ADAM19: variants seen among roughly 807,000 people sequenced by gnomAD.
ADAM19 encodes disintegrin and metalloproteinase domain-containing protein 19.
ADAM19 carries 65 observed loss-of-function variants against 114.7 expected under a neutral mutation model. That is an observed-to-expected ratio of 0.57 (90% confidence interval 0.46 to 0.70). The LOEUF is 0.70. ADAM19 is among the 30% of genes least tolerant of loss of function. ADAM19 has a pLI of 0.00. For missense variants in ADAM19, 1,063 were observed against 1,204.7 expected (o/e 0.88, Z 1.74); for synonymous variants, 466 against 460.5 (o/e 1.01, Z -0.15).
intron 3 of ADAM19, among the ~76,000 whole-genome samples, chr5:157,557,154 C>T (rs929172052): frequency 5.9e-5 from 9 of 152,210 alleles, no homozygotes; most frequent in East Asian, 1.9e-4. Flanking sequence ...GTGATCCACC[C>T]GGCTCAGCCT....
chr5:157,507,288 C>A, intron 9 of ADAM19, 148 bp from the exon 10 acceptor site: 1 of 676,950 alleles, frequency 1.5e-6, no homozygotes, highest in Non-Finnish European at 2.6e-6. Context: ...GTAACCAGGC[C>A]AACTGGACAA....
At chr5:157,507,421 G>A (rs1005059723) in intron 9 of ADAM19, among the ~76,000 whole-genome samples, 2 of 152,250 alleles carry the variant, frequency 1.3e-5, no homozygotes, top group Non-Finnish European at 2.9e-5. Flanking sequence ...TCCTTGGAAG[G>A]AAATGGGCAG....
intron 2 of ADAM19, among the ~76,000 whole-genome samples, chr5:157,569,330 A>G (rs1259005386): frequency 1.3e-5 from 2 of 148,770 alleles, no homozygotes; most frequent in African/African-American, 5.0e-5. Flanking sequence ...CTATAACCTC[A>G]AACTCCTGGG....
intron 1 of ADAM19, among the ~76,000 whole-genome samples, chr5:157,574,922 G>C (rs540909538): frequency 6.6e-6 from 1 of 152,214 alleles, no homozygotes; most frequent in Non-Finnish European, 1.5e-5. Context: ...GTGCCACCGC[G>C]GACCTCAACC....
intron 21 of ADAM19, among the ~76,000 whole-genome samples, chr5:157,486,431 G>T (rs1367158040): frequency 6.6e-6 from 1 of 152,236 alleles, no homozygotes; most frequent in Middle Eastern, 3.4e-3. Flanking sequence ...GTGTTTTGGG[G>T]TGCCTGCCAC....
chr5:157,570,937 G>A lies in ADAM19; in HGVS notation c.138C>T (p.Ile46=). 6.2e-7 allele frequency: 1 copy of A among 1,614,178 alleles called. No individual in the cohort carries two copies. The highest frequency in any genetic ancestry group is 8.5e-7 in the Non-Finnish European group (1 of 1,180,016). The change falls in exon 2 of 23, where the codon ATC becomes ATT. Residue 46 remains isoleucine (I), a synonymous_variant. Coordinates refer to ENST00000257527, the MANE Select transcript of ADAM19 (RefSeq NM_033274.5). The stretch of plus-strand genomic sequence containing the variant: ...TTTCTGAAGTCTTCCACTGAGGTAT[G>A]ATAAGTTCATGCTGCAGCTTGGGGC... The part of the protein sequence containing the change: ...EGSPKLQHEL[I]IPQWKTSESP...
intron 7 of ADAM19, among the ~76,000 whole-genome samples, chr5:157,513,866 G>A (rs778199723): frequency 2.6e-5 from 4 of 152,166 alleles, no homozygotes; most frequent in African/African-American, 4.8e-5. Context: ...AATCCTCACC[G>A]TGGTCATCAC....
Position 157,499,578 on chromosome 5 carries a change from A to T in ADAM19, c.1393T>A (p.Cys465Ser). The change falls in exon 13 of 23, where the codon TGT becomes AGT. Residue 465 changes from cysteine (C) to serine (S), a missense_variant. Around this residue, in one of 3 missense-constraint regions of ADAM19, gnomAD observed 615 missense variants for 706.3 expected, o/e 0.87. Transcript: ENST00000257527. Reference protein sequence around the residue: ...ECAHGSCCHQCKLLAPGTLCR... With the variant: ...ECAHGSCCHQSKLLAPGTLCR... ...TGGAGAAAAGGGCCACTTACCTTAC[A>T]CTGGTGGCAGCAGGAGCCGTGAGCA... The T allele has an allele frequency of 1.2e-6, 2 of 1,612,646 alleles. No individual in the cohort carries two copies. The highest frequency in any genetic ancestry group is 1.7e-6 in the Non-Finnish European group (2 of 1,179,514).
intron 7 of ADAM19, among the ~76,000 whole-genome samples, chr5:157,514,200 A>G (rs1756021528): frequency 6.6e-6 from 1 of 152,236 alleles, no homozygotes; most frequent in East Asian, 1.9e-4. Flanking sequence ...ATGAGTGCCA[A>G]CGAGGAGGAC....
At chr5:157,499,917 C>T (rs1755504722) in intron 12 of ADAM19, among the ~76,000 whole-genome samples, 1 of 151,724 alleles carries the variant, frequency 6.6e-6, no homozygotes, top group Non-Finnish European at 1.5e-5. Context: ...TAACTCAGAC[C>T]ACAGGCACAC....
Position 157,480,561 on chromosome 5 carries a change from C to T in ADAM19, c.*388G>A, listed in dbSNP as rs1224480626. On this transcript the variant is annotated 3_prime_UTR_variant, in exon 23 of 23. Coordinates refer to ENST00000257527, the MANE Select transcript of ADAM19 (RefSeq NM_033274.5). ...GCAATGGGAAGCTCTCTTGCGTGCC[C>T]TGCACCCCAGGAGTGAATGGATGGC... 8 of 1,044,752 alleles carry T rather than the reference C, an allele frequency of 7.7e-6. No individual in the cohort carries two copies. The highest frequency in any genetic ancestry group is 8.1e-6 in the Non-Finnish European group (7 of 867,128). 64.7% of individuals were successfully genotyped at this position (1,044,752 alleles called of 1,614,324 possible).
chr5:157,522,596 G>A (rs1561542306), intron 5 of ADAM19, among the ~76,000 whole-genome samples: 1 of 152,154 alleles, frequency 6.6e-6, no homozygotes, highest in Admixed American at 6.5e-5. Context: ...GACCAGCCTG[G>A]GCAATATGGT....
chr5:157,488,432 G>T lies in ADAM19; in HGVS notation c.2383C>A (p.Pro795Thr), dbSNP rs150381064. 6.2e-7 allele frequency: 1 copy of T among 1,612,878 alleles called. No individual in the cohort carries two copies. The highest frequency in any genetic ancestry group is 1.1e-5 in the South Asian group (1 of 91,052). The change falls in exon 21 of 23, where the codon CCA becomes ACA. Residue 795 changes from proline (P) to threonine (T), a missense_variant. By Grantham distance (38) the Pro-to-Thr change is conservative (BLOSUM62 -1). Coordinates refer to ENST00000257527, the MANE Select transcript of ADAM19 (RefSeq NM_033274.5). Reference sequence around the variant, plus strand: ...GGGGACCCACCACGCAGATAATCTGGAGGGGGCCGGGGAGGAGGCTGGGAG... The same window carrying T: ...GGGGACCCACCACGCAGATAATCTGTAGGGGGCCGGGGAGGAGGCTGGGAG... ...KPSQPPPRPP[P>T]DYLRGGSPPA...
At chr5:157,567,949 A>G (rs56268592) in intron 2 of ADAM19, 20,234 of 151,902 alleles carry the variant, frequency 0.13, 1,413 homozygotes, top group Middle Eastern at 0.24. Flanking sequence ...CCCTCCCCCA[A>G]AGAGACACAA....
intron 5 of ADAM19, among the ~76,000 whole-genome samples, chr5:157,525,739 G>A (rs1466252050): frequency 2.6e-5 from 4 of 152,168 alleles, no homozygotes; most frequent in African/African-American, 7.2e-5. Flanking sequence ...TCTTAAACGT[G>A]GATCCCTTGA....
intron 18 of ADAM19, among the ~76,000 whole-genome samples, 185 bp downstream of exon 18, chr5:157,491,430 C>T (rs1365165323): frequency 6.6e-6 from 1 of 152,238 alleles, no homozygotes; most frequent in African/African-American, 2.4e-5. Flanking sequence ...GAGACTGAAC[C>T]GTGTCCCCAC....
At chr5:157,481,703 T>C (rs1561837343) in intron 22 of ADAM19, 88 bp downstream of exon 22, 2 of 1,551,826 alleles carry the variant, frequency 1.3e-6, no homozygotes, top group Non-Finnish European at 1.7e-6. Context: ...ACAAGAAGCA[T>C]GAATTGCTTT....
At chr5:157,500,445 T>C (rs748886046) in intron 12 of ADAM19, among the ~76,000 whole-genome samples, 1 of 152,318 alleles carries the variant, frequency 6.6e-6, no homozygotes, top group African/African-American at 2.4e-5. Context: ...CCTGTAACCA[T>C]GTAGTCTTCT....
chr5:157,558,660 C>G (rs975810436), intron 3 of ADAM19, among the ~76,000 whole-genome samples: 3 of 152,178 alleles, frequency 2.0e-5, no homozygotes, highest in Non-Finnish European at 4.4e-5. Flanking sequence ...AAAGTCTACT[C>G]TTGACCTGGG....
Sources: gnomAD v4.1 joint callset for allele counts (sites outside exome capture counted in the v4.1 genomes callset) on GRCh38, gnomAD v4.1.1 for gene constraint, gnomAD v4.1.1 regional missense constraint, MANE v1.5 for transcripts, NCBI Gene and HGNC (gene_info 2026-07-23, HGNC 2026-07-21) for gene names.